The following NCKAP5 variants were observed in gnomAD, a reference collection of about 807,000 sequenced individuals.
NCKAP5 encodes NCK associated protein 5.
In NCKAP5, 92 loss-of-function variants were observed where a neutral mutation model predicts 167.0. That is an observed-to-expected ratio of 0.55 (90% CI 0.47 to 0.66). The LOEUF (loss-of-function observed/expected upper bound fraction) is 0.66. NCKAP5 is among the 30% of genes least tolerant of loss of function. The pLI is 0.00. For synonymous variants in NCKAP5, 891 were observed against 877.4 expected (o/e 1.02, Z -0.27); for missense variants, 2,378 against 2,315.0 (o/e 1.03, Z -0.56).
chr2:133,041,375 T>C (rs996648128), intron 6 of NCKAP5, among the ~76,000 whole-genome samples: 1 of 152,156 alleles, frequency 6.6e-6, no homozygotes, highest in Non-Finnish European at 1.5e-5. Flanking sequence ...CTACTTCAGT[T>C]AGAATTCTGA....
intron 6 of NCKAP5, among the ~76,000 whole-genome samples, chr2:133,107,197 G>A (rs1396108993): frequency 2.0e-5 from 3 of 152,132 alleles, no homozygotes; most frequent in Admixed American, 1.3e-4. Flanking sequence ...GGGTAGAAGG[G>A]ACCACGGCCA....
At chr2:133,603,472 A>G in the NCKAP5 span, among the ~76,000 whole-genome samples, 2 of 151,744 alleles carry the variant, frequency 1.3e-5, no homozygotes, top group African/African-American at 4.8e-5. Flanking sequence ...TGATCCGCCT[A>G]TCTCAGTCTC....
At chr2:133,288,878 A>G (rs891450798) in intron 4 of NCKAP5, among the ~76,000 whole-genome samples, 4 of 152,166 alleles carry the variant, frequency 2.6e-5, no homozygotes, top group Non-Finnish European at 5.9e-5. Context: ...TCATCATTCA[A>G]CCCTTCAACT....
At chr2:133,054,527 T>G (rs2079725368) in intron 6 of NCKAP5, among the ~76,000 whole-genome samples, 1 of 152,078 alleles carries the variant, frequency 6.6e-6, no homozygotes, top group African/African-American at 2.4e-5. Context: ...GAGCACTTGG[T>G]TTGCCTCTGA....
chr2:133,081,382 CA>C (rs2080800346), intron 6 of NCKAP5, among the ~76,000 whole-genome samples: 1 of 152,044 alleles, frequency 6.6e-6, no homozygotes, highest in African/African-American at 2.4e-5. Context: ...AACAAAAGCA[CA>C]AAAGGACAGG....
intron 8 of NCKAP5, among the ~76,000 whole-genome samples, chr2:132,911,650 A>G (rs1366172996): frequency 1.3e-5 from 2 of 152,162 alleles, no homozygotes; most frequent in African/African-American, 4.8e-5. Context: ...ATATACATGT[A>G]AATGCTGGCA....
At chr2:132,764,441 A>C (rs772284547) in intron 16 of NCKAP5, among the ~76,000 whole-genome samples, 2 of 152,194 alleles carry the variant, frequency 1.3e-5, no homozygotes, top group Non-Finnish European at 2.9e-5. Context: ...ACTTATAGTT[A>C]GTTATAAGTG....
intron 6 of NCKAP5, among the ~76,000 whole-genome samples, chr2:133,099,526 C>T (rs1373070862): frequency 6.6e-6 from 1 of 152,200 alleles, no homozygotes; most frequent in African/African-American, 2.4e-5. Context: ...ATATTGGGGT[C>T]ACTGCCACTA....
chr2:132,881,262 C>T (rs1298017538), intron 8 of NCKAP5, among the ~76,000 whole-genome samples: 1 of 152,114 alleles, frequency 6.6e-6, no homozygotes, highest in African/African-American at 2.4e-5. Flanking sequence ...GTGACCTCCA[C>T]CTCTCAGGGT....
At chr2:133,272,253 G>T (rs1386840671) in intron 4 of NCKAP5, among the ~76,000 whole-genome samples, 1 of 151,578 alleles carries the variant, frequency 6.6e-6, no homozygotes, top group Non-Finnish European at 1.5e-5. Flanking sequence ...TAGAATAAAA[G>T]AAATGAAATC....
chr2:133,404,426 C>T (rs1688296821), intron 3 of NCKAP5, among the ~76,000 whole-genome samples: 1 of 152,104 alleles, frequency 6.6e-6, no homozygotes, highest in Admixed American at 6.5e-5. Context: ...TACATAGATA[C>T]ATATATAGCT....
In NCKAP5 at chr2:132,700,663, TG is replaced by T. The variant is rs1392604454; in HGVS notation, c.5713+24963del. Among the ~76,000 whole-genome samples, 3 of 152,326 alleles carry T rather than the reference TG, an allele frequency of 2.0e-5. No individual in the cohort carries two copies. The East Asian group carries it at 5.8e-4, about 29-fold the overall frequency. ...CATCTTTCTCTTTTGAGGACAGTAC[TG>T]GTGACTACATTCTGTCAATAAACAT... On this transcript the variant is annotated intron_variant, in intron 19 of 19. Coordinates refer to ENST00000409261, the MANE Select transcript of NCKAP5 (RefSeq NM_207363.3).
intron 4 of NCKAP5, chr2:133,284,846 G>A (rs2090051661): frequency 6.6e-6 from 1 of 152,110 alleles, no homozygotes; most frequent in Non-Finnish European, 1.5e-5. Context: ...CTGAACCTCT[G>A]AACTTTTTGT....
intron 3 of NCKAP5, among the ~76,000 whole-genome samples, chr2:133,355,072 C>A (rs749112009): frequency 6.6e-6 from 1 of 152,276 alleles, no homozygotes; most frequent in Non-Finnish European, 1.5e-5. Flanking sequence ...TTTATAACTT[C>A]TAAAATTCTG....
chr2:133,087,123 A>G (rs1014664907), intron 6 of NCKAP5, among the ~76,000 whole-genome samples: 2 of 152,136 alleles, frequency 1.3e-5, no homozygotes, highest in African/African-American at 4.8e-5. Context: ...ATTTTATCTG[A>G]TTTGGTTTTC....
chr2:132,679,879 A>T (rs1684975888), intron 19 of NCKAP5, among the ~76,000 whole-genome samples: 1 of 152,122 alleles, frequency 6.6e-6, no homozygotes, highest in African/African-American at 2.4e-5. Context: ...ATTTGTGCAC[A>T]TCTCAAAGTC....
intron 3 of NCKAP5, among the ~76,000 whole-genome samples, chr2:133,476,527 C>T (rs895266278): frequency 1.3e-5 from 2 of 152,148 alleles, no homozygotes; most frequent in African/African-American, 4.8e-5. Context: ...GATAAGTCAT[C>T]GAGCAGCATG....
chr2:133,235,024 A>G (rs748924262), intron 4 of NCKAP5, among the ~76,000 whole-genome samples: 2 of 150,344 alleles, frequency 1.3e-5, no homozygotes, highest in Non-Finnish European at 3.0e-5. Flanking sequence ...TACATCCTCA[A>G]TGCACGTTAG....
intron 6 of NCKAP5, among the ~76,000 whole-genome samples, chr2:133,111,224 T>G (rs6712415): frequency 1.3e-5 from 2 of 151,926 alleles, no homozygotes; most frequent in African/African-American, 4.8e-5. Flanking sequence ...CCAATTTAAG[T>G]GAAGGTGAAT....
Sources: gnomAD v4.1 joint callset for allele counts (sites outside exome capture counted in the v4.1 genomes callset) on GRCh38, gnomAD v4.1.1 for gene constraint, MANE v1.5 for transcripts, NCBI Gene and HGNC (gene_info 2026-07-23, HGNC 2026-07-21) for gene names.